Variants in MROH1 observed in about 807,000 individuals in gnomAD.
The protein encoded by MROH1 is maestro heat like repeat family member 1, also known as maestro heat-like repeat-containing protein family member 1.
Under a neutral mutation model 116.5 loss-of-function variants are expected in MROH1, and 117 were observed. The ratio of observed to expected loss-of-function variants is 1.00; its 90% CI spans 0.86 to 1.17. MROH1 has a LOEUF of 1.17. MROH1 is among the 50% of genes most tolerant of loss of function. The pLI is 0.00. For synonymous variants in MROH1, 921 were observed against 583.9 expected (o/e 1.58, Z -8.32); for missense variants, 1,873 against 1,338.5 (o/e 1.40, Z -6.23).
At chr8:144,175,604 T>G in intron 4 of MROH1, 5 of 945,150 alleles carry the variant, frequency 5.3e-6, no homozygotes, top group Non-Finnish European at 6.3e-6. Context: ...GTCTCCTACC[T>G]GGGAAGAGTG....
chr8:144,190,044 G>GA (rs1828164946), intron 7 of MROH1, among the ~76,000 whole-genome samples: 1 of 152,244 alleles, frequency 6.6e-6, no homozygotes, highest in Non-Finnish European at 1.5e-5. Context: ...CCCAGAGACA[G>GA]AATTCATTTC....
intron 4 of MROH1, chr8:144,175,186 A>T (rs896778754): frequency 1.0e-6 from 1 of 978,434 alleles, no homozygotes; most frequent in African/African-American, 1.8e-5. Context: ...CCAGCAGCGG[A>T]TCTGGTCGAG....
intron 7 of MROH1, among the ~76,000 whole-genome samples, chr8:144,188,791 A>G (rs1376828059): frequency 6.6e-6 from 1 of 152,134 alleles, no homozygotes; most frequent in East Asian, 1.9e-4. Context: ...AAGTGAGGAA[A>G]CTGAGGCACA....
At chr8:144,214,648 C>T (rs1834872582) in intron 12 of MROH1, among the ~76,000 whole-genome samples, 8 of 152,166 alleles carry the variant, frequency 5.3e-5, no homozygotes, top group Admixed American at 3.3e-4. Flanking sequence ...TCTGCATTCT[C>T]GTGTGGGGCC....
At chr8:144,259,487 C>G in intron 37 of MROH1, 133 bp downstream of exon 37, 1 of 686,364 alleles carries the variant, frequency 1.5e-6, no homozygotes, top group Non-Finnish European at 2.7e-6. Context: ...TGGATGCTAG[C>G]TACCTCCTCC....
chr8:144,213,242 T>C (rs1402149393), intron 12 of MROH1: 15 of 628,282 alleles, frequency 2.4e-5, no homozygotes, highest in Admixed American at 4.6e-5. Context: ...GCCACTCTTG[T>C]TGTCCAAAGC....
chr8:144,150,555 A>G (rs1418296208), intron 1 of MROH1, among the ~76,000 whole-genome samples: 1 of 152,172 alleles, frequency 6.6e-6, no homozygotes, highest in Non-Finnish European at 1.5e-5. Context: ...AGCACGTCAG[A>G]TGCTCTTGGT....
chr8:144,259,306 C>T lies in MROH1; in HGVS notation c.3996C>T (p.Ser1332=). The change falls in exon 37 of 44, where the codon AGC becomes AGT. Residue 1332 remains serine, a synonymous_variant. Transcript: ENST00000326134. ...LVLKTLACTH[S]SAYENQRVTT... is the part of the protein sequence containing the mutation. ...TGAAGACGCTGGCATGCACACACAG[C>T]AGTGCGTATGAGAACCAGAGGGTGA... 5 of 715,154 alleles carry T rather than the reference C, an allele frequency of 7.0e-6. No homozygotes were observed. Among genetic ancestry groups the T allele is most frequent in the Admixed American group, 4.0e-5 (2 of 50,020 alleles). 44.3% of individuals were successfully genotyped at this position (715,154 alleles called of 1,614,324 possible).
At chr8:144,171,447 G>A (rs1822422045) in intron 4 of MROH1, among the ~76,000 whole-genome samples, 1 of 152,200 alleles carries the variant, frequency 6.6e-6, no homozygotes, top group African/African-American at 2.4e-5. Flanking sequence ...CGTGGGTTCC[G>A]CTACCGGAAG....
chr8:144,151,001 A>G (rs1816607127), intron 1 of MROH1, among the ~76,000 whole-genome samples: 1 of 152,122 alleles, frequency 6.6e-6, no homozygotes, highest in Admixed American at 6.5e-5. Context: ...TAATCCCAGC[A>G]CTTTGGGAGG....
At chr8:144,241,144 A>G in intron 21 of MROH1, 33 bp downstream of exon 21, 1 of 728,728 alleles carries the variant, frequency 1.4e-6, no homozygotes, top group Admixed American at 2.0e-5. Context: ...AGCCCCAGAC[A>G]CCCCAGGGCT....
chr8:144,239,955 G>A lies in MROH1; in HGVS notation c.1775-146G>A, dbSNP rs895208643. On this transcript the variant is annotated intron_variant, in intron 18 of 43. Coordinates refer to ENST00000326134, the MANE Select transcript of MROH1 (RefSeq NM_032450.3). ...GACCTGGGGCTTGAAAGGCACTCCC[G>A]CTGGGTGCTTCCTGGGAGCAGGTGG... 2.1e-3 allele frequency: 1,468 copies of A among 702,552 alleles called. 10 individuals carry two copies. Among genetic ancestry groups the A allele is most frequent in the Admixed American group, 0.015 (742 of 48,106 alleles). The allele number at this position is 702,552 out of a possible 1,614,324, so 43.5% of individuals were successfully genotyped here.
chr8:144,240,929 G>A lies in MROH1; in HGVS notation c.1936-63G>A, dbSNP rs1425181975. The stretch of plus-strand genomic sequence containing the variant: ...GGTGCACCCCAGGGGCAGCCCCATG[G>A]CAGCGCTGGGTCTCCCTGTACTCAG... On this transcript the variant is annotated intron_variant, in intron 20 of 43. Transcript: ENST00000326134. 7.0e-6 allele frequency: 5 copies of A among 715,528 alleles called. No homozygotes were observed. The Admixed American group carries it at 8.0e-5, about 11-fold the overall frequency. The allele number at this position is 715,528 out of a possible 1,614,324, so 44.3% of individuals were successfully genotyped here.
intron 33 of MROH1, chr8:144,252,587 G>C (rs903309971): frequency 0.046 from 7,056 of 151,774 alleles, 224 homozygotes; most frequent in African/African-American, 0.083. Context: ...AGAATGGTGT[G>C]AACCCAGGAG....
intron 10 of MROH1, among the ~76,000 whole-genome samples, chr8:144,194,205 G>A (rs1248779339): frequency 1.3e-5 from 2 of 151,778 alleles, no homozygotes; most frequent in African/African-American, 4.8e-5. Flanking sequence ...TGTGGTTACA[G>A]GCACGCACCA....
chr8:144,255,338 CT>C (rs1554832304), intron 34 of MROH1, among the ~76,000 whole-genome samples, 170 bp from the exon 35 acceptor site: 2 of 152,204 alleles, frequency 1.3e-5, no homozygotes, highest in Admixed American at 6.5e-5. Flanking sequence ...GCCTCTACCC[CT>C]GAGGGCCAAG....
chr8:144,173,738 T>C (rs1052014044), intron 4 of MROH1, among the ~76,000 whole-genome samples: 1 of 152,176 alleles, frequency 6.6e-6, no homozygotes, highest in Non-Finnish European at 1.5e-5. Context: ...ATTCTTCTTC[T>C]TGGTCCCTTT....
At chr8:144,234,408 A>G (rs1331532493) in intron 14 of MROH1, among the ~76,000 whole-genome samples, 2 of 144,678 alleles carry the variant, frequency 1.4e-5, no homozygotes, top group African/African-American at 5.2e-5. Context: ...TTTTCATAGT[A>G]TACGTTTTGC....
intron 12 of MROH1, among the ~76,000 whole-genome samples, chr8:144,215,421 G>A (rs940263064): frequency 6.6e-5 from 10 of 152,216 alleles, no homozygotes; most frequent in Non-Finnish European, 1.3e-4. Context: ...CCATGGCAGT[G>A]TACAAAATCA....
Sources: gnomAD v4.1 joint callset for allele counts (sites outside exome capture counted in the v4.1 genomes callset) on GRCh38, gnomAD v4.1.1 for gene constraint, MANE v1.5 for transcripts, NCBI Gene and HGNC (gene_info 2026-07-23, HGNC 2026-07-21) for gene names.